Variants in SLC26A7 observed in about 807,000 individuals in gnomAD.
SLC26A7 encodes the protein anion exchange transporter.
In SLC26A7, 59 loss-of-function variants were observed where a neutral mutation model predicts 82.5. That is an observed-to-expected ratio of 0.72 (90% CI 0.58 to 0.89). SLC26A7 has a LOEUF of 0.89. Ranked by LOEUF, SLC26A7 falls within the 40% of genes least tolerant of loss-of-function variation. The probability of loss-of-function intolerance (pLI) is 0.00; values close to 1 mark genes in which losing one functional copy is unlikely to be tolerated. For missense variants in SLC26A7, 820 were observed against 793.0 expected (o/e 1.03, Z -0.41); for synonymous variants, 271 against 274.3 (o/e 0.99, Z 0.12).
chr8:91,330,286 A>T (rs990860160), intron 5 of SLC26A7, among the ~76,000 whole-genome samples: 3 of 152,164 alleles, frequency 2.0e-5, no homozygotes, highest in Non-Finnish European at 4.4e-5. Flanking sequence ...ATAAAATTCA[A>T]TATGCAGAAT....
At chr8:91,339,551 G>A (rs898995567) in intron 7 of SLC26A7, among the ~76,000 whole-genome samples, 5 of 151,920 alleles carry the variant, frequency 3.3e-5, no homozygotes, top group African/African-American at 1.2e-4. Context: ...TTATGAAAGG[G>A]CCAAGCATTC....
rs927708150 is a variant in SLC26A7, at chr8:91,316,841, A to G, written c.478-1375A>G. The stretch of plus-strand genomic sequence containing the variant: ...CAAAGCTCTCTGGTAAAGGAAGAAC[A>G]TTAGTCATTGAAGTATCAGGAGTTA... On this transcript the variant is annotated intron_variant, in intron 4 of 18. Transcript: ENST00000276609. Among the ~76,000 whole-genome samples the G allele has an allele frequency of 2.0e-5, 3 of 151,868 alleles. No individual in the cohort carries two copies. In the East Asian group the frequency reaches 5.8e-4, roughly 29 times the overall value.
chr8:91,359,649 A>G (rs547303800), intron 11 of SLC26A7, among the ~76,000 whole-genome samples: 3 of 152,272 alleles, frequency 2.0e-5, no homozygotes, highest in African/African-American at 7.2e-5. Context: ...GTTGGAGTGG[A>G]TAGATATCTC....
At chr8:91,323,430 A>G (rs1812846619) in intron 5 of SLC26A7, among the ~76,000 whole-genome samples, 2 of 152,294 alleles carry the variant, frequency 1.3e-5, no homozygotes, top group East Asian at 1.9e-4. Flanking sequence ...TGAAAAATGC[A>G]TCAACACAAA....
At chr8:91,339,218 G>A (rs1813330120) in intron 7 of SLC26A7, among the ~76,000 whole-genome samples, 1 of 151,946 alleles carries the variant, frequency 6.6e-6, no homozygotes, top group East Asian at 1.9e-4. Context: ...GTTTTGTGTA[G>A]CATAATAACC....
At chr8:91,366,472 A>G in intron 13 of SLC26A7, 108 bp from the exon 14 acceptor site, 1 of 1,225,966 alleles carries the variant, frequency 8.2e-7, no homozygotes, top group Admixed American at 2.6e-5. Context: ...TAGTAATAAA[A>G]ATGTTAATTG....
intron 15 of SLC26A7, among the ~76,000 whole-genome samples, chr8:91,370,960 A>G (rs902533932): frequency 1.3e-5 from 2 of 151,898 alleles, no homozygotes; most frequent in Non-Finnish European, 3.0e-5. Context: ...ACAGATATCT[A>G]GTTGTATTAC....
At chr8:91,338,116 T>C in intron 6 of SLC26A7, 34 bp from the exon 7 acceptor site, 1 of 1,523,316 alleles carries the variant, frequency 6.6e-7, no homozygotes. Flanking sequence ...CAGTAATGTA[T>C]ATATTTTTTC....
At chr8:91,350,529 T>C (rs1248209389) in intron 9 of SLC26A7, among the ~76,000 whole-genome samples, 1 of 152,080 alleles carries the variant, frequency 6.6e-6, no homozygotes, top group Admixed American at 6.6e-5. Context: ...TGTAGTCAAT[T>C]CTTTGCCTCC....
upstream of SLC26A7, among the ~76,000 whole-genome samples, chr8:91,246,369 G>A (rs1367861767): frequency 6.6e-6 from 1 of 152,158 alleles, no homozygotes; most frequent in Non-Finnish European, 1.5e-5. Context: ...AGATTTAAAG[G>A]AGGAAAACCA....
intron 9 of SLC26A7, 79 bp from the exon 10 acceptor site, chr8:91,351,730 TC>T (rs963488519): frequency 5.4e-5 from 47 of 870,134 alleles, no homozygotes; most frequent in Middle Eastern, 4.4e-4. Flanking sequence ...CTAAGAATTA[TC>T]CCCCCCACCC....
At chr8:91,362,531 CT>C (rs1273568772) in intron 12 of SLC26A7, 72 bp downstream of exon 12, 2 of 1,094,354 alleles carry the variant, frequency 1.8e-6, no homozygotes, top group East Asian at 4.7e-5. Flanking sequence ...CCATATGGTA[CT>C]TGCTAGTTAC....
chr8:91,382,306 C>A (rs1236235936), intron 15 of SLC26A7, among the ~76,000 whole-genome samples: 1 of 152,126 alleles, frequency 6.6e-6, no homozygotes, highest in African/African-American at 2.4e-5. Context: ...GCTTCCTTAT[C>A]CTTTCAAATT....
At position 91,309,363 on chromosome 8, in the gene SLC26A7, C is replaced by G. The variant is rs191310892; in HGVS notation, c.478-8853C>G. Among the ~76,000 whole-genome samples the G allele has an allele frequency of 5.3e-5, 8 of 151,688 alleles. No homozygotes were observed. The East Asian group carries it at 1.4e-3, about 26-fold the overall frequency. The stretch of plus-strand genomic sequence containing the variant: ...TGAGCATATACTTAGGTCTTCAACC[C>G]TAATGCATTACCAGAATGATCATTC... On this transcript the variant is annotated intron_variant, in intron 4 of 18. Transcript: ENST00000276609.
chr8:91,365,378 T>C (rs923296234), intron 13 of SLC26A7, among the ~76,000 whole-genome samples: 9 of 152,190 alleles, frequency 5.9e-5, no homozygotes, highest in African/African-American at 9.6e-5. Context: ...TTGGGCTGCA[T>C]TCAAAGCCAT....
intron 5 of SLC26A7, among the ~76,000 whole-genome samples, chr8:91,321,297 A>G (rs757138584): frequency 5.3e-5 from 8 of 152,240 alleles, no homozygotes; most frequent in Admixed American, 3.3e-4. Context: ...GCCCTCTTAG[A>G]TGATAGATAA....
At chr8:91,312,507 A>C (rs1432062985) in intron 4 of SLC26A7, among the ~76,000 whole-genome samples, 2 of 152,116 alleles carry the variant, frequency 1.3e-5, no homozygotes, top group Non-Finnish European at 2.9e-5. Flanking sequence ...TTCTATTTTT[A>C]ATATTTTGAG....
intron 1 of SLC26A7, 41 bp downstream of exon 1, chr8:91,249,454 A>G: frequency 2.5e-6 from 1 of 400,424 alleles, no homozygotes; most frequent in Non-Finnish European, 4.4e-6. Flanking sequence ...AATTAGCTGT[A>G]TCATAAAAAG....
At chr8:91,241,181 G>A (rs1042689295) in intron 2 of SLC26A7, among the ~76,000 whole-genome samples, 1 of 152,084 alleles carries the variant, frequency 6.6e-6, no homozygotes, top group Non-Finnish European at 1.5e-5. Flanking sequence ...ACATTTTTGT[G>A]AAGAAATATT....
Sources: allele counts gnomAD v4.1 joint callset (sites outside exome capture counted in the v4.1 genomes callset), GRCh38; gene constraint gnomAD v4.1.1; transcripts MANE v1.5; gene names NCBI Gene and HGNC (gene_info 2026-07-23, HGNC 2026-07-21).